Variants in CSK observed in about 807,000 individuals in gnomAD.
CSK encodes C-terminal Src kinase.
Under a neutral mutation model 62.3 loss-of-function variants are expected in CSK, and 7 were observed. The observed-to-expected ratio is 0.11, with a 90% CI of 0.06 to 0.21. The LOEUF (loss-of-function observed/expected upper bound fraction) is 0.21. CSK is among the 10% of genes least tolerant of loss of function. CSK has a pLI of 1.00. For synonymous variants in CSK, 237 were observed against 246.0 expected, an observed-to-expected ratio of 0.96 and a Z score of 0.34; for missense variants, 294 against 613.5, an observed-to-expected ratio of 0.48 and a Z score of 5.50.
chr15:74,789,185 CTT>C (rs2063577749), intron 1 of CSK, among the ~76,000 whole-genome samples: 1 of 152,262 alleles, frequency 6.6e-6, no homozygotes, highest in Admixed American at 6.5e-5. Context: ...CGCCCTTCTC[CTT>C]AGGTCAGGGT....
chr15:74,795,511 C>A lies in CSK; in HGVS notation c.-65-2722C>A, dbSNP rs568530278. Among the ~76,000 whole-genome samples the A allele has an allele frequency of 6.6e-5, 10 of 152,138 alleles. No homozygotes were observed. In the South Asian group the frequency reaches 2.1e-3, roughly 32 times the overall value. On this transcript the variant is annotated intron_variant, in intron 1 of 12. Transcript: ENST00000220003. ...CTGTGACCACGAAGATGCCACTGGCCCTTTCTCACCCTCAGTTTCCTCACC... is the reference window on the plus strand; with the variant it reads ...CTGTGACCACGAAGATGCCACTGGCACTTTCTCACCCTCAGTTTCCTCACC...
Position 74,802,469 on chromosome 15 carries a change from C to T in CSK, c.1309C>T (p.Arg437Ter). Residue 437 changes from arginine to a stop codon, truncating the protein, a stop_gained, in exon 13 of 13, where the codon CGA (arginine) becomes TGA (stop). Transcript: ENST00000220003. LOFTEE classifies it high-confidence loss of function. The part of the protein sequence containing the change: ...AAMRPSFLQL[R>*]EQLEHIKTHE... Reference sequence around the variant, plus strand: ...CATGCGGCCCTCCTTCCTACAGCTCCGAGAGCAGCTTGAGCACATCAAAAC... The same window carrying T: ...CATGCGGCCCTCCTTCCTACAGCTCTGAGAGCAGCTTGAGCACATCAAAAC... 1 of 1,613,058 alleles carries T rather than the reference C, an allele frequency of 6.2e-7. No homozygotes were observed. Among genetic ancestry groups the T allele is most frequent in the Non-Finnish European group, 8.5e-7 (1 of 1,179,846 alleles).
intron 1 of CSK, among the ~76,000 whole-genome samples, chr15:74,793,790 G>C (rs2063661411): frequency 6.6e-6 from 1 of 152,082 alleles, no homozygotes; most frequent in African/African-American, 2.4e-5. Context: ...GGAAGGGAGT[G>C]TTTGCAAACT....
chr15:74,794,901 G>T (rs568523327), intron 1 of CSK, among the ~76,000 whole-genome samples: 2 of 152,122 alleles, frequency 1.3e-5, no homozygotes, highest in African/African-American at 2.4e-5. Flanking sequence ...CCTCACATTG[G>T]CAGTGGAAGT....
At chr15:74,790,420 TCTCCCCA>T (rs1477379253) in intron 1 of CSK, among the ~76,000 whole-genome samples, 1 of 151,864 alleles carries the variant, frequency 6.6e-6, no homozygotes, top group Admixed American at 6.6e-5. Flanking sequence ...CCCAGTTCTT[TCTCCCCA>T]CTCCTTGTCA....
At chr15:74,799,825 A>T (rs1280757688) in intron 5 of CSK, among the ~76,000 whole-genome samples, 1 of 152,190 alleles carries the variant, frequency 6.6e-6, no homozygotes, top group Non-Finnish European at 1.5e-5. Flanking sequence ...TCCCAGAGCT[A>T]ACTTTCCTCC....
At chr15:74,788,049 G>A (rs34504035) in intron 1 of CSK, among the ~76,000 whole-genome samples, 5 of 152,352 alleles carry the variant, frequency 3.3e-5, no homozygotes, top group East Asian at 3.9e-4. Flanking sequence ...GGGGCTCTGC[G>A]TGGGCTGGGG....
Position 74,802,493 on chromosome 15 carries a change from A to G in CSK, c.1333A>G (p.Thr445Ala), listed in dbSNP as rs752299945. 72 of 1,610,682 alleles carry G rather than the reference A, an allele frequency of 4.5e-5. No individual in the cohort carries two copies. The Middle Eastern group carries it at 8.2e-4, about 18-fold the overall frequency. Residue 445 changes from threonine (T) to alanine (A), a missense_variant, in exon 13 of 13, where the codon ACC becomes GCC. This residue lies in a region of CSK where 66 missense variants were observed against 99.3 expected (regional missense o/e 0.66). Coordinates refer to ENST00000220003, the MANE Select transcript of CSK (RefSeq NM_004383.3). ...CCGAGAGCAGCTTGAGCACATCAAA[A>G]CCCACGAGCTGCACCTGTGACGGCT... is the stretch of plus-strand genomic sequence containing the variant. The part of the protein sequence containing the change: ...QLREQLEHIK[T>A]HELHL
chr15:74,799,403 A>T lies in CSK; in HGVS notation c.374A>T (p.Lys125Met). 1.9e-6 allele frequency: 3 copies of T among 1,613,654 alleles called. No individual in the cohort carries two copies. The highest frequency in any genetic ancestry group is 2.5e-6 in the Non-Finnish European group (3 of 1,180,020). Residue 125 changes from lysine to methionine, a missense_variant, in exon 5 of 13, where the codon AAG becomes ATG. Lys to Met is a moderately conservative substitution (Grantham distance 95). Coordinates refer to ENST00000220003, the MANE Select transcript of CSK (RefSeq NM_004383.3). ...ACGCTGTGCGTGAGCTGCGACGGCA[A>T]GGTGGAGCACTACCGCATCATGTAC... is the stretch of plus-strand genomic sequence containing the variant. ...DYTLCVSCDG[K>M]VEHYRIMYHA...
chr15:74,791,381 C>G (rs1470218851), intron 1 of CSK, among the ~76,000 whole-genome samples: 1 of 152,114 alleles, frequency 6.6e-6, no homozygotes, highest in Admixed American at 6.5e-5. Context: ...TTTACTCTAT[C>G]TCTTCTTTTA....
chr15:74,797,637 C>T (rs1008775505), intron 1 of CSK, among the ~76,000 whole-genome samples: 2 of 152,162 alleles, frequency 1.3e-5, no homozygotes, highest in Admixed American at 6.5e-5. Context: ...GTGAATATGC[C>T]ACTGTTTATC....
intron 5 of CSK, 42 bp downstream of exon 5, chr15:74,799,533 C>T: frequency 6.4e-7 from 1 of 1,573,372 alleles, no homozygotes; most frequent in Non-Finnish European, 8.7e-7. Context: ...CCCTCACACA[C>T]CCTAAACCCA....
At position 74,800,489 on chromosome 15, in the gene CSK, G is replaced by A; in HGVS notation, c.540G>A (p.Gln180=). Residue 180 remains glutamine (Q), a synonymous_variant, in exon 6 of 13, where the codon CAG becomes CAA. Transcript: ENST00000220003. ...PKVMEGTVAA[Q]DEFYRSGWAL... ...TCATGGAGGGCACAGTGGCGGCCCAGGATGAGTTCTACCGCAGTGAGTGCA... is the reference window on the plus strand; with the variant it reads ...TCATGGAGGGCACAGTGGCGGCCCAAGATGAGTTCTACCGCAGTGAGTGCA... The A allele has an allele frequency of 6.2e-7, 1 of 1,613,918 alleles. No individual in the cohort carries two copies. The highest frequency in any genetic ancestry group is 8.5e-7 in the Non-Finnish European group (1 of 1,179,962).
intron 1 of CSK, among the ~76,000 whole-genome samples, chr15:74,796,203 C>T (rs918470046): frequency 2.0e-5 from 3 of 151,068 alleles, no homozygotes; most frequent in East Asian, 1.9e-4. Context: ...CCAGCCTGGG[C>T]GACAGAGTCT....
chr15:74,785,281 C>T (rs887841367), intron 1 of CSK, among the ~76,000 whole-genome samples: 3 of 152,158 alleles, frequency 2.0e-5, no homozygotes, highest in Non-Finnish European at 4.4e-5. Context: ...GTCTAAGTAA[C>T]GTTGCTTCTA....
At chr15:74,799,672 C>CT (rs1277306808) in intron 5 of CSK, among the ~76,000 whole-genome samples, 181 bp downstream of exon 5, 2 of 152,198 alleles carry the variant, frequency 1.3e-5, no homozygotes, top group Admixed American at 1.3e-4. Flanking sequence ...GGACTCACCT[C>CT]TGACCCCACA....
intron 1 of CSK, among the ~76,000 whole-genome samples, chr15:74,790,022 C>T (rs957850316): frequency 5.3e-5 from 8 of 152,216 alleles, no homozygotes; most frequent in African/African-American, 1.9e-4. Flanking sequence ...GCCTACCAAG[C>T]ATGGCTCTGG....
chr15:74,783,075 C>T (rs760576950), intron 1 of CSK, among the ~76,000 whole-genome samples: 2 of 152,336 alleles, frequency 1.3e-5, no homozygotes, highest in East Asian at 3.9e-4. Context: ...CCCTGCCCTT[C>T]CCTGTACAGG....
Position 74,802,320 on chromosome 15 carries a change from C to T in CSK, c.1171-11C>T, listed in dbSNP as rs371141831. On this transcript the variant is annotated splice_polypyrimidine_tract_variant and intron_variant, in intron 12 of 12. Coordinates refer to ENST00000220003, the MANE Select transcript of CSK (RefSeq NM_004383.3). ...GGGCCTGGACTGACTCCTGCCTCCC[C>T]CTGGCCACAGCCCCTGAAGGACGTC... 1.8e-5 allele frequency: 28 copies of T among 1,574,856 alleles called. 1 individual carries two copies. In the South Asian group the frequency reaches 2.7e-4, roughly 15 times the overall value.
Sources: gnomAD v4.1 joint callset for allele counts (sites outside exome capture counted in the v4.1 genomes callset) on GRCh38, gnomAD v4.1.1 for gene constraint, gnomAD v4.1.1 regional missense constraint, MANE v1.5 for transcripts, NCBI Gene and HGNC (gene_info 2026-07-23, HGNC 2026-07-21) for gene names.